Variants in ADARB2 observed in about 807,000 individuals in gnomAD.
ADARB2 encodes adenosine deaminase RNA specific B2 (inactive).
Under a neutral mutation model 62.2 loss-of-function variants are expected in ADARB2, and 25 were observed. The observed-to-expected ratio is 0.40, with a 90% CI of 0.29 to 0.56. The LOEUF is 0.56. ADARB2 is among the 20% of genes least tolerant of loss of function. The pLI is 0.43. For synonymous variants in ADARB2, 572 were observed against 500.8 expected (o/e 1.14, Z -1.90); for missense variants, 1,071 against 1,077.4 (o/e 0.99, Z 0.08).
intron 6 of ADARB2, among the ~76,000 whole-genome samples, chr10:1,221,550 A>G (rs546540277): frequency 1.1e-4 from 16 of 151,948 alleles, no homozygotes; most frequent in Middle Eastern, 3.4e-3. Context: ...TATATCTCCT[A>G]ATGCTATCCC....
intron 1 of ADARB2, among the ~76,000 whole-genome samples, chr10:1,606,769 A>T: frequency 6.6e-6 from 1 of 152,112 alleles, no homozygotes; most frequent in East Asian, 1.9e-4. Context: ...CTGGGCTGGT[A>T]CCTGCTTCCT....
At chr10:1,229,468 G>A (rs1055018543) in intron 6 of ADARB2, among the ~76,000 whole-genome samples, 3 of 152,098 alleles carry the variant, frequency 2.0e-5, no homozygotes, top group Admixed American at 6.6e-5. Flanking sequence ...TCTCTCCTGG[G>A]CCTTTACATG....
rs1320851740 is a variant in ADARB2 at position 1,478,819 on chromosome 10, G to T, written c.101-99659C>A. Among the ~76,000 whole-genome samples, 4 of 151,644 alleles carry T rather than the reference G, an allele frequency of 2.6e-5. No individual in the cohort carries two copies. The East Asian group carries it at 7.8e-4, about 30-fold the overall frequency. Reference sequence around the variant, plus strand: ...GAGAGCACCAAAATAAGGACCTTCGGACGGGAGAGCACCAAAATAAGGACC... The same window carrying T: ...GAGAGCACCAAAATAAGGACCTTCGTACGGGAGAGCACCAAAATAAGGACC... On this transcript the variant is annotated intron_variant, in intron 1 of 9. Transcript: ENST00000381312.
chr10:1,540,781 T>C (rs183756137), intron 1 of ADARB2, among the ~76,000 whole-genome samples: 268 of 29,474 alleles, frequency 9.1e-3, no homozygotes, highest in Middle Eastern at 0.024. Flanking sequence ...CCCACTCAGA[T>C]GTAGTTCAGA....
At chr10:1,291,099 G>C (rs1831461987) in intron 3 of ADARB2, 1 of 152,190 alleles carries the variant, frequency 6.6e-6, no homozygotes, top group Admixed American at 6.5e-5. Context: ...CTTGGAAAAA[G>C]TAGTTGTTTC....
intron 1 of ADARB2, among the ~76,000 whole-genome samples, chr10:1,551,986 G>A (rs1417679856): frequency 6.6e-6 from 1 of 150,388 alleles, no homozygotes; most frequent in Non-Finnish European, 1.5e-5. Flanking sequence ...AGTGAGGTGA[G>A]TGAGGCTGAG....
chr10:1,311,077 G>T (rs1457150488), intron 3 of ADARB2, among the ~76,000 whole-genome samples: 1 of 152,214 alleles, frequency 6.6e-6, no homozygotes, highest in African/African-American at 2.4e-5. Context: ...GGGCAGCATG[G>T]AGCCGTGAAG....
chr10:1,572,974 C>T (rs1030818856), intron 1 of ADARB2, among the ~76,000 whole-genome samples: 1 of 152,248 alleles, frequency 6.6e-6, no homozygotes, highest in Non-Finnish European at 1.5e-5. Flanking sequence ...ATCCACTGCC[C>T]CCGAGTGCTC....
intron 1 of ADARB2, among the ~76,000 whole-genome samples, chr10:1,670,433 C>T (rs1216805871): frequency 6.6e-6 from 1 of 152,222 alleles, no homozygotes; most frequent in Non-Finnish European, 1.5e-5. Context: ...AGCTTATAAA[C>T]TGAGATTTGT....
intron 2 of ADARB2, 131 bp downstream of exon 2, chr10:1,378,943 T>C: frequency 2.8e-6 from 2 of 714,298 alleles, no homozygotes; most frequent in East Asian, 2.5e-5. Flanking sequence ...GAGCAGATAC[T>C]GTCTCTCCAG....
At chr10:1,258,814 A>G (rs1168095710) in intron 4 of ADARB2, among the ~76,000 whole-genome samples, 3 of 152,234 alleles carry the variant, frequency 2.0e-5, no homozygotes, top group Non-Finnish European at 4.4e-5. Context: ...AGACATCTAC[A>G]GAAGTCTCCA....
At chr10:1,308,525 G>C (rs1006519279) in intron 3 of ADARB2, among the ~76,000 whole-genome samples, 6 of 152,200 alleles carry the variant, frequency 3.9e-5, no homozygotes, top group Non-Finnish European at 5.9e-5. Context: ...CAAGGAGTGT[G>C]ATTGCTGAAC....
chr10:1,578,467 A>G (rs1282768844), intron 1 of ADARB2, among the ~76,000 whole-genome samples: 1 of 152,224 alleles, frequency 6.6e-6, no homozygotes, highest in Non-Finnish European at 1.5e-5. Context: ...GAGCTTGAAC[A>G]AGTCACTGGC....
At chr10:1,226,101 C>G (rs369276566) in intron 6 of ADARB2, among the ~76,000 whole-genome samples, 3 of 152,078 alleles carry the variant, frequency 2.0e-5, no homozygotes, top group Non-Finnish European at 4.4e-5. Context: ...TGGAGGCTTT[C>G]TTCATTTCTT....
chr10:1,538,064 A>C (rs1832356220), intron 1 of ADARB2, among the ~76,000 whole-genome samples: 1 of 152,224 alleles, frequency 6.6e-6, no homozygotes, highest in African/African-American at 2.4e-5. Context: ...TGAAGGGCTC[A>C]AGTTGGAGTG....
intron 1 of ADARB2, among the ~76,000 whole-genome samples, chr10:1,393,913 C>G (rs1832590500): frequency 6.6e-6 from 1 of 152,164 alleles, no homozygotes; most frequent in East Asian, 1.9e-4. Context: ...AAGGATTAGC[C>G]AAGGCTCAGC....
intron 4 of ADARB2, among the ~76,000 whole-genome samples, chr10:1,265,512 G>T (rs1365600127): frequency 6.6e-6 from 1 of 152,350 alleles, no homozygotes; most frequent in South Asian, 2.1e-4. Flanking sequence ...GGGGTGAGTG[G>T]GACCCATGCC....
intron 1 of ADARB2, among the ~76,000 whole-genome samples, chr10:1,436,725 G>A (rs1392508361): frequency 2.6e-5 from 4 of 152,106 alleles, no homozygotes; most frequent in Non-Finnish European, 5.9e-5. Flanking sequence ...TGCTTTAAAC[G>A]AGTGATTTCA....
At chr10:1,557,422 C>T (rs1034554258) in intron 1 of ADARB2, among the ~76,000 whole-genome samples, 4 of 152,134 alleles carry the variant, frequency 2.6e-5, no homozygotes. Flanking sequence ...CACCTGGAGT[C>T]GCCTAAAATT....
Sources: gnomAD v4.1 joint callset for allele counts (sites outside exome capture counted in the v4.1 genomes callset) on GRCh38, gnomAD v4.1.1 for gene constraint, MANE v1.5 for transcripts, NCBI Gene and HGNC (gene_info 2026-07-23, HGNC 2026-07-21) for gene names.